The following CAMK1D variants were observed in gnomAD, a reference collection of about 807,000 sequenced individuals.
The protein encoded by CAMK1D is calcium/calmodulin dependent protein kinase ID.
Under a neutral mutation model 47.7 loss-of-function variants are expected in CAMK1D, and 9 were observed. That is an observed-to-expected ratio of 0.19 (90% CI 0.11 to 0.33). The LOEUF (loss-of-function observed/expected upper bound fraction) is 0.33. Ranked by LOEUF, CAMK1D falls within the 10% of genes least tolerant of loss-of-function variation. The pLI is 1.00. For missense variants in CAMK1D, 291 were observed against 488.7 expected, an observed-to-expected ratio of 0.60 and a Z score of 3.81; for synonymous variants, 184 against 184.9, an observed-to-expected ratio of 0.99 and a Z score of 0.04.
At chr10:12,447,367 A>G (rs1832952284) in intron 1 of CAMK1D, among the ~76,000 whole-genome samples, 1 of 152,148 alleles carries the variant, frequency 6.6e-6, no homozygotes, top group Admixed American at 6.6e-5. Flanking sequence ...TCTGCTGGCC[A>G]CTGGGCAGCC....
intron 2 of CAMK1D, among the ~76,000 whole-genome samples, chr10:12,657,811 A>G (rs976491862): frequency 8.9e-4 from 136 of 152,176 alleles, no homozygotes; most frequent in Non-Finnish European, 5.7e-4. Flanking sequence ...ATTTACATAC[A>G]AACAGATACC....
At chr10:12,819,884 T>C (rs757987115) in intron 8 of CAMK1D, among the ~76,000 whole-genome samples, 1 of 152,026 alleles carries the variant, frequency 6.6e-6, no homozygotes, top group Non-Finnish European at 1.5e-5. Context: ...TGAGTGACTG[T>C]CAGGGACGGA....
intron 3 of CAMK1D, among the ~76,000 whole-genome samples, chr10:12,694,046 A>AATATATATT (rs1833066835): frequency 3.0e-5 from 2 of 66,882 alleles, no homozygotes; most frequent in African/African-American, 1.3e-4. Context: ...ATATACATAT[A>AATATATATT]ATATATATTA....
intron 6 of CAMK1D, among the ~76,000 whole-genome samples, chr10:12,813,834 C>T (rs1832699111): frequency 6.6e-6 from 1 of 151,954 alleles, no homozygotes; most frequent in Non-Finnish European, 1.5e-5. Context: ...GATCTTGGCT[C>T]ACTGGAACCT....
At chr10:12,359,604 G>C (rs1182823310) in intron 1 of CAMK1D, among the ~76,000 whole-genome samples, 1 of 151,988 alleles carries the variant, frequency 6.6e-6, no homozygotes, top group Non-Finnish European at 1.5e-5. Flanking sequence ...ATCAGCCTGG[G>C]CAAGAGTGGC....
chr10:12,443,625 ATTTTATTTTTTT>A lies in CAMK1D; in HGVS notation c.92+93726_92+93737del, dbSNP rs927739132. Among the ~76,000 whole-genome samples, 50 of 151,850 alleles carry A rather than the reference ATTTTATTTTTTT, an allele frequency of 3.3e-4. 1 individual carries two copies. Among genetic ancestry groups the A allele is most frequent in the African/African-American group, 1.2e-3 (50 of 41,396 alleles). ...CTGAGGACTGCTGGTTTCCTATTTT[ATTTTATTTTTTT>A]TTTTATTTTTGAGACGGAGTCTCGT... On this transcript the variant is annotated intron_variant, in intron 1 of 10. Coordinates refer to ENST00000619168, the MANE Select transcript of CAMK1D (RefSeq NM_153498.4).
intron 3 of CAMK1D, among the ~76,000 whole-genome samples, chr10:12,707,619 G>A (rs563584338): frequency 3.9e-5 from 6 of 152,308 alleles, no homozygotes; most frequent in African/African-American, 1.4e-4. Context: ...GGAAGGGAAG[G>A]CTTGCTCAGC....
chr10:12,358,227 T>C (rs1837569536), intron 1 of CAMK1D, among the ~76,000 whole-genome samples: 1 of 151,720 alleles, frequency 6.6e-6, no homozygotes, highest in East Asian at 1.9e-4. Flanking sequence ...CGTGTCCCCA[T>C]AGAGAAAGAA....
chr10:12,460,378 A>G lies in CAMK1D; in HGVS notation c.93-92847A>G, dbSNP rs552582615. ...TGGGCTCAAGCGATCCTCCTGCCTC[A>G]GTCTCCCGAGTAGTTGGGACTACAG... On this transcript the variant is annotated intron_variant, in intron 1 of 10. Transcript: ENST00000619168. Among the ~76,000 whole-genome samples the G allele has an allele frequency of 2.6e-5, 4 of 151,736 alleles. 1 individual carries two copies. In the South Asian group the frequency reaches 8.3e-4, roughly 32 times the overall value.
At chr10:12,403,371 T>TGAGTCCTCGCTCC (rs1365275943) in intron 1 of CAMK1D, among the ~76,000 whole-genome samples, 1 of 152,226 alleles carries the variant, frequency 6.6e-6, no homozygotes, top group African/African-American at 2.4e-5. Context: ...GGACCTTGGG[T>TGAGTCCTCGCTCC]GAGTCCTCGC....
intron 3 of CAMK1D, among the ~76,000 whole-genome samples, chr10:12,709,123 A>T (rs1833838044): frequency 6.6e-6 from 1 of 152,114 alleles, no homozygotes; most frequent in African/African-American, 2.4e-5. Context: ...TGGGTGAGTC[A>T]CCTATGTGGG....
intron 1 of CAMK1D, among the ~76,000 whole-genome samples, chr10:12,448,656 T>G (rs1407917929): frequency 6.6e-6 from 1 of 152,252 alleles, no homozygotes; most frequent in Non-Finnish European, 1.5e-5. Context: ...GAAAAACATT[T>G]TTTCGACATC....
At chr10:12,816,407 G>A (rs751276334) in intron 8 of CAMK1D, 79 bp downstream of exon 8, 10 of 1,141,244 alleles carry the variant, frequency 8.8e-6, no homozygotes, top group Non-Finnish European at 1.3e-5. Flanking sequence ...GTTGGCCGTT[G>A]TCATTTATGA....
At chr10:12,616,621 C>A (rs1176014424) in intron 2 of CAMK1D, among the ~76,000 whole-genome samples, 1 of 152,042 alleles carries the variant, frequency 6.6e-6, no homozygotes, top group Non-Finnish European at 1.5e-5. Flanking sequence ...GGGTTCACGC[C>A]ATTCTCCTGC....
intron 6 of CAMK1D, among the ~76,000 whole-genome samples, chr10:12,806,835 C>G (rs1838752865): frequency 6.6e-6 from 1 of 152,138 alleles, no homozygotes; most frequent in African/African-American, 2.4e-5. Flanking sequence ...GTGTCTGGTC[C>G]CCATCCACAT....
At chr10:12,571,463 A>AAG (rs1837323895) in intron 2 of CAMK1D, among the ~76,000 whole-genome samples, 1 of 149,328 alleles carries the variant, frequency 6.7e-6, no homozygotes, top group South Asian at 2.1e-4. Context: ...CAAAAAAAAA[A>AAG]AAAAAAAAGA....
chr10:12,541,736 T>A (rs1488197058), intron 1 of CAMK1D, among the ~76,000 whole-genome samples: 1 of 152,156 alleles, frequency 6.6e-6, no homozygotes, highest in Admixed American at 6.5e-5. Flanking sequence ...GTTTTTCTGT[T>A]TGAAGAATTG....
At chr10:12,645,486 T>A (rs756445239) in intron 2 of CAMK1D, among the ~76,000 whole-genome samples, 2 of 152,192 alleles carry the variant, frequency 1.3e-5, no homozygotes, top group Admixed American at 6.5e-5. Flanking sequence ...TATGTTAGAA[T>A]TGATTCAGTA....
intron 3 of CAMK1D, among the ~76,000 whole-genome samples, chr10:12,698,630 T>G (rs893369507): frequency 2.6e-5 from 4 of 151,714 alleles, no homozygotes; most frequent in African/African-American, 9.7e-5. Flanking sequence ...CAGTGTGGTG[T>G]TTTTTACATT....
Sources: gnomAD v4.1 joint callset for allele counts (sites outside exome capture counted in the v4.1 genomes callset) on GRCh38, gnomAD v4.1.1 for gene constraint, MANE v1.5 for transcripts, NCBI Gene and HGNC (gene_info 2026-07-23, HGNC 2026-07-21) for gene names.